RAB28: variants seen among roughly 807,000 people sequenced by gnomAD.
RAB28 encodes the protein ras-related protein Rab-28.
Under a neutral mutation model 31.7 loss-of-function variants are expected in RAB28, and 24 were observed. The ratio of observed to expected loss-of-function variants is 0.76; its 90% CI spans 0.55 to 1.06. The LOEUF is 1.06. Ranked by LOEUF, RAB28 falls within the 50% of genes least tolerant of loss-of-function variation. RAB28 has a pLI of 0.00. For synonymous variants in RAB28, 100 were observed against 90.4 expected, an observed-to-expected ratio of 1.11 and a Z score of -0.60; for missense variants, 254 against 258.5, an observed-to-expected ratio of 0.98 and a Z score of 0.12.
rs758788726 is a variant in RAB28 at position 13,381,532 on chromosome 4, C to A, written c.454G>T (p.Gly152Cys). 1.9e-6 allele frequency: 3 copies of A among 1,613,068 alleles called. No individual in the cohort carries two copies. The highest frequency in any genetic ancestry group is 1.7e-5 in the Admixed American group (1 of 59,940). The change falls in exon 5 of 7, where the codon GGT (glycine) becomes TGT (cysteine). Residue 152 changes from glycine to cysteine, a missense_variant. Transcript: ENST00000330852. ...EKHLRFCQEN[G>C]FSSHFVSAKT... ...GCTGAGACAAAGTGGCTACTAAAAC[C>A]ATTTTCCTGGCAAAACCGTAAGTGT...
At chr4:13,368,737 T>C (rs764652675) in intron 6 of RAB28, 87 bp from the exon 7 acceptor site, 2 of 1,142,764 alleles carry the variant, frequency 1.8e-6, no homozygotes, top group Non-Finnish European at 2.4e-6. Flanking sequence ...TTCTGAACTT[T>C]GCTGAACTTC....
At chr4:13,424,573 A>C (rs1378825503) in intron 4 of RAB28, among the ~76,000 whole-genome samples, 1 of 152,192 alleles carries the variant, frequency 6.6e-6, no homozygotes, top group African/African-American at 2.4e-5. Flanking sequence ...TAGGACTTCA[A>C]CATCTCTTTT....
intron 4 of RAB28, among the ~76,000 whole-genome samples, chr4:13,429,138 G>A (rs1267260481): frequency 6.6e-6 from 1 of 151,780 alleles, no homozygotes; most frequent in Non-Finnish European, 1.5e-5. Flanking sequence ...CAAAGGCAGG[G>A]GTTTCACCAT....
chr4:13,376,729 A>G, intron 5 of RAB28, 107 bp from the exon 6 acceptor site: 1 of 609,792 alleles, frequency 1.6e-6, no homozygotes, highest in South Asian at 2.9e-5. Context: ...TTGCAAAAAT[A>G]TGATATAGCA....
chr4:13,387,346 T>G (rs759981992), intron 4 of RAB28, among the ~76,000 whole-genome samples: 1 of 152,202 alleles, frequency 6.6e-6, no homozygotes, highest in South Asian at 2.1e-4. Flanking sequence ...TGTAATCAAA[T>G]AGTCATAAAA....
chr4:13,386,443 C>A (rs928467120), intron 4 of RAB28, among the ~76,000 whole-genome samples: 1 of 151,754 alleles, frequency 6.6e-6, no homozygotes, highest in African/African-American at 2.4e-5. Flanking sequence ...AAAAGTGGGC[C>A]AAGGACCTGA....
Position 13,424,020 on chromosome 4 carries a change from G to A in RAB28, c.391+36679C>T, listed in dbSNP as rs138632537. Among the ~76,000 whole-genome samples, 187 of 152,194 alleles carry A rather than the reference G, an allele frequency of 1.2e-3. 2 individuals carry two copies. Among genetic ancestry groups the A allele is most frequent in the Middle Eastern group, 3.4e-3 (1 of 294 alleles). ...GGAAGGTATAACAAATGCTCTGTCC[G>A]TTAAAAATAGGCTAAAAACATTCTA... On this transcript the variant is annotated intron_variant, in intron 4 of 6. Coordinates refer to ENST00000330852, the MANE Select transcript of RAB28 (RefSeq NM_001017979.3).
chr4:13,412,026 A>G, intron 4 of RAB28, among the ~76,000 whole-genome samples: 1 of 152,100 alleles, frequency 6.6e-6, no homozygotes, highest in South Asian at 2.1e-4. Flanking sequence ...AAGTCAAAAA[A>G]AAAAAAAAGA....
chr4:13,415,988 C>T (rs1016313255), intron 4 of RAB28, among the ~76,000 whole-genome samples: 5 of 152,150 alleles, frequency 3.3e-5, no homozygotes, highest in Admixed American at 1.3e-4. Flanking sequence ...ATGTACCAAT[C>T]GACACTCTGT....
chr4:13,466,775 A>C (rs73231531), intron 3 of RAB28, among the ~76,000 whole-genome samples: 13,856 of 152,022 alleles, frequency 0.091, 1,224 homozygotes, highest in African/African-American at 0.23. Flanking sequence ...GCTATGTAAT[A>C]AACCTAAGTG....
intron 4 of RAB28, among the ~76,000 whole-genome samples, chr4:13,382,853 C>G (rs1434314511): frequency 1.3e-5 from 2 of 151,856 alleles, no homozygotes; most frequent in African/African-American, 4.8e-5. Context: ...CGCCTGCCAC[C>G]ACGCCCGGCT....
chr4:13,370,025 A>C (rs1340601279), intron 6 of RAB28: 7 of 1,571,758 alleles, frequency 4.5e-6, no homozygotes, highest in Non-Finnish European at 5.1e-6. Flanking sequence ...AAAAAAGACA[A>C]AATGGAAAGT....
chr4:13,368,818 GGA>G (rs1728612084), intron 6 of RAB28, among the ~76,000 whole-genome samples, 168 bp from the exon 7 acceptor site: 6 of 148,106 alleles, frequency 4.1e-5, no homozygotes. Context: ...AACAAAGAGT[GGA>G]TTTTTTTTTT....
chr4:13,430,165 TAA>T (rs55712919), intron 4 of RAB28, among the ~76,000 whole-genome samples: 16 of 151,928 alleles, frequency 1.1e-4, no homozygotes, highest in African/African-American at 3.9e-4. Context: ...CACATCATAT[TAA>T]AAAAAATTTT....
intron 4 of RAB28, among the ~76,000 whole-genome samples, chr4:13,397,262 C>A (rs1729908919): frequency 6.6e-6 from 1 of 151,666 alleles, no homozygotes; most frequent in Admixed American, 6.6e-5. Flanking sequence ...TATTAAATGG[C>A]AAAACAACAT....
chr4:13,391,575 A>G (rs1220496114), intron 4 of RAB28, among the ~76,000 whole-genome samples: 1 of 152,226 alleles, frequency 6.6e-6, no homozygotes, highest in Non-Finnish European at 1.5e-5. Context: ...AAAGGATTAT[A>G]AATCACGCTA....
intron 4 of RAB28, among the ~76,000 whole-genome samples, chr4:13,430,950 G>A (rs1017016752): frequency 1.3e-5 from 2 of 152,196 alleles, no homozygotes; most frequent in Admixed American, 6.5e-5. Flanking sequence ...CGTGGAGAGA[G>A]GGTCATCTCC....
Position 13,475,254 on chromosome 4 carries a change from C to T in RAB28, c.173-848G>A, listed in dbSNP as rs556852584. On this transcript the variant is annotated intron_variant, in intron 2 of 6. Coordinates refer to ENST00000330852, the MANE Select transcript of RAB28 (RefSeq NM_001017979.3). ...AAAAATTTATGAGATAAGCTATTCT[C>T]CCTTCTCAATGCAACTGATGAGTAA... Among the ~76,000 whole-genome samples the T allele has an allele frequency of 2.6e-5, 4 of 151,644 alleles. No homozygotes were observed. In the South Asian group the frequency reaches 8.3e-4, roughly 31 times the overall value.
intron 4 of RAB28, among the ~76,000 whole-genome samples, chr4:13,383,915 C>T (rs1186042446): frequency 6.6e-6 from 1 of 152,184 alleles, no homozygotes; most frequent in Non-Finnish European, 1.5e-5. Context: ...TGGTCTGCTG[C>T]CCTCTCCTGA....
Sources: allele counts gnomAD v4.1 joint callset (sites outside exome capture counted in the v4.1 genomes callset), GRCh38; gene constraint gnomAD v4.1.1; transcripts MANE v1.5; gene names NCBI Gene and HGNC (gene_info 2026-07-23, HGNC 2026-07-21).